The following TENM2 variants were observed in gnomAD, a reference collection of about 807,000 sequenced individuals.
The protein encoded by TENM2 is teneurin transmembrane protein 2.
Under a neutral mutation model 245.2 loss-of-function variants are expected in TENM2, and 52 were observed. That is an observed-to-expected ratio of 0.21 (90% CI 0.17 to 0.27). The LOEUF is 0.27. TENM2 is among the 10% of genes least tolerant of loss of function. TENM2 has a pLI of 1.00. For synonymous variants in TENM2, 1,363 were observed against 1,438.9 expected (o/e 0.95, Z 1.19); for missense variants, 3,046 against 3,666.8 (o/e 0.83, Z 4.37).
chr5:167,837,182 T>C (rs1354965711), intron 2 of TENM2, among the ~76,000 whole-genome samples: 1 of 152,130 alleles, frequency 6.6e-6, no homozygotes, highest in African/African-American at 2.4e-5. Flanking sequence ...GGACTACATG[T>C]GATTCAATAT....
chr5:167,286,207 A>T (rs1771338604), intron 1 of TENM2, among the ~76,000 whole-genome samples: 1 of 152,224 alleles, frequency 6.6e-6, no homozygotes, highest in South Asian at 2.1e-4. Flanking sequence ...AAATAAATCA[A>T]CAGAGAAACT....
intron 2 of TENM2, among the ~76,000 whole-genome samples, chr5:167,550,691 TTG>T (rs1772870983): frequency 7.6e-6 from 1 of 132,122 alleles, no homozygotes; most frequent in Non-Finnish European, 1.6e-5. Flanking sequence ...TTTTTTTTTG[TTG>T]TTGTTAGTGT....
intron 5 of TENM2, among the ~76,000 whole-genome samples, chr5:168,004,449 G>C (rs191878236): frequency 1.3e-5 from 2 of 152,114 alleles, no homozygotes; most frequent in East Asian, 3.9e-4. Flanking sequence ...GGGGACTTGG[G>C]AGTGGAGCAG....
chr5:167,369,391 T>A (rs1296949167), intron 1 of TENM2, among the ~76,000 whole-genome samples: 1 of 152,200 alleles, frequency 6.6e-6, no homozygotes, highest in Non-Finnish European at 1.5e-5. Context: ...TTCTATCTTC[T>A]CTTGTTAACT....
intron 2 of TENM2, among the ~76,000 whole-genome samples, chr5:167,685,974 C>A (rs1251086502): frequency 2.0e-5 from 3 of 152,134 alleles, no homozygotes; most frequent in Non-Finnish European, 2.9e-5. Context: ...GGTGGTGTTA[C>A]CTTGAGCAAG....
the TENM2 span, among the ~76,000 whole-genome samples, chr5:167,157,548 T>A: frequency 3.9e-5 from 6 of 152,202 alleles, no homozygotes; most frequent in Admixed American, 2.0e-4. Flanking sequence ...GTAAGGACTT[T>A]TAGACGTGTA....
chr5:168,107,899 C>T (rs139729392), intron 9 of TENM2, among the ~76,000 whole-genome samples: 2 of 152,346 alleles, frequency 1.3e-5, no homozygotes, highest in East Asian at 1.9e-4. Context: ...TTGGCAACAT[C>T]GCAGCAGTGG....
intron 2 of TENM2, among the ~76,000 whole-genome samples, chr5:167,590,645 G>A (rs1409480573): frequency 6.6e-6 from 1 of 152,154 alleles, no homozygotes; most frequent in Non-Finnish European, 1.5e-5. Flanking sequence ...ATGTAGAAAA[G>A]CAGAAAAATG....
chr5:167,550,417 C>T (rs1250683422), intron 2 of TENM2, among the ~76,000 whole-genome samples: 1 of 152,100 alleles, frequency 6.6e-6, no homozygotes, highest in African/African-American at 2.4e-5. Flanking sequence ...TCTTGTTCCA[C>T]CAAGGAGTCA....
chr5:167,931,567 AAAAAC>A (rs1254770721), intron 3 of TENM2, among the ~76,000 whole-genome samples: 2 of 150,982 alleles, frequency 1.3e-5, no homozygotes, highest in African/African-American at 4.9e-5. Flanking sequence ...AAAAAAAAAA[AAAAAC>A]AAGAAACATC....
At chr5:167,939,911 A>G (rs903316173) in intron 3 of TENM2, among the ~76,000 whole-genome samples, 11 of 152,212 alleles carry the variant, frequency 7.2e-5, no homozygotes, top group Admixed American at 3.9e-4. Flanking sequence ...GGTGGCAGAA[A>G]GAGCCACAGG....
At chr5:168,047,502 G>T (rs552572263) in exon 6 of TENM2, 5 of 1,551,754 alleles carry the variant, frequency 3.2e-6, no homozygotes, top group Non-Finnish European at 4.4e-6. Flanking sequence ...ATAAGGACCG[G>T]CTTACCAGGA....
chr5:168,129,503 C>G (rs1359240412), intron 12 of TENM2: 1 of 152,160 alleles, frequency 6.6e-6, no homozygotes, highest in Non-Finnish European at 1.5e-5. Flanking sequence ...ACTACCAAAG[C>G]CTTTTCTTGT....
At chr5:167,960,779 G>T (rs558077544) in intron 4 of TENM2, among the ~76,000 whole-genome samples, 1 of 152,290 alleles carries the variant, frequency 6.6e-6, no homozygotes, top group East Asian at 1.9e-4. Context: ...CTCAGTGTCT[G>T]CCCAAACGGC....
chr5:167,169,582 A>G, the TENM2 span, among the ~76,000 whole-genome samples: 2 of 152,224 alleles, frequency 1.3e-5, no homozygotes, highest in South Asian at 4.1e-4. Flanking sequence ...AAATGAGACT[A>G]CGCATGTAGC....
the TENM2 span, among the ~76,000 whole-genome samples, chr5:167,088,654 A>AG: frequency 1.3e-5 from 2 of 151,820 alleles, no homozygotes; most frequent in Non-Finnish European, 2.9e-5. Flanking sequence ...AAAAAGAAAA[A>AG]AAAACAGTTA....
intron 2 of TENM2, among the ~76,000 whole-genome samples, chr5:167,401,958 A>C (rs970848172): frequency 6.6e-6 from 1 of 152,154 alleles, no homozygotes; most frequent in Non-Finnish European, 1.5e-5. Context: ...CCCAACCAAC[A>C]AATGCATATT....
intron 2 of TENM2, among the ~76,000 whole-genome samples, chr5:167,399,895 C>G (rs897266445): frequency 6.6e-6 from 1 of 152,022 alleles, no homozygotes; most frequent in African/African-American, 2.4e-5. Context: ...CAGAATAGAT[C>G]ACATCTTAAG....
intron 5 of TENM2, among the ~76,000 whole-genome samples, chr5:168,039,597 AACGAC>A (rs1788005909): frequency 6.6e-6 from 1 of 152,010 alleles, no homozygotes; most frequent in Non-Finnish European, 1.5e-5. Flanking sequence ...TGCGGTGGGA[AACGAC>A]ACTCTGTGCG....
Sources: gnomAD v4.1 joint callset for allele counts (sites outside exome capture counted in the v4.1 genomes callset) on GRCh38, gnomAD v4.1.1 for gene constraint, MANE v1.5 for transcripts, NCBI Gene and HGNC (gene_info 2026-07-23, HGNC 2026-07-21) for gene names.